The following ZNF532 variants were observed in gnomAD, a reference collection of about 807,000 sequenced individuals.
The protein encoded by ZNF532 is zinc finger protein 532.
ZNF532 carries 22 observed loss-of-function variants against 89.3 expected under a neutral mutation model. That is an observed-to-expected ratio of 0.25 (90% CI 0.18 to 0.35). The LOEUF (loss-of-function observed/expected upper bound fraction) is 0.35, where lower values mean the gene tolerates loss of function less well. Ranked by LOEUF, ZNF532 falls within the 10% of genes least tolerant of loss-of-function variation. ZNF532 has a pLI of 1.00. For synonymous variants in ZNF532, 606 were observed against 649.6 expected (o/e 0.93, Z 1.02); for missense variants, 1,132 against 1,643.4 (o/e 0.69, Z 5.38).
chr18:58,924,901 G>C (rs1277237746), intron 3 of ZNF532, among the ~76,000 whole-genome samples: 1 of 152,074 alleles, frequency 6.6e-6, no homozygotes, highest in African/African-American at 2.4e-5. Flanking sequence ...CTTAGGATTG[G>C]CTTTTTTTCA....
In ZNF532 at chr18:58,984,522, T is replaced by C; in HGVS notation, c.*56T>C. The C allele has an allele frequency of 6.4e-7, 1 of 1,553,346 alleles. No homozygotes were observed. The highest frequency in any genetic ancestry group is 1.3e-5 in the South Asian group (1 of 79,224). On this transcript the variant is annotated 3_prime_UTR_variant, in exon 10 of 10. Coordinates refer to ENST00000591808, the MANE Select transcript of ZNF532 (RefSeq NM_001375912.1). ...CCACATTGGAATAAAAAAGACATTT[T>C]TGTTACAAAGTTTGCAGTATAATAG...
intron 2 of ZNF532, among the ~76,000 whole-genome samples, chr18:58,893,432 T>C (rs1381917084): frequency 6.6e-6 from 1 of 152,058 alleles, no homozygotes; most frequent in East Asian, 1.9e-4. Flanking sequence ...TTTGGGAGGC[T>C]GAGATGGGTG....
chr18:58,900,674 G>A (rs937815), intron 2 of ZNF532, among the ~76,000 whole-genome samples: 2 of 152,158 alleles, frequency 1.3e-5, no homozygotes, highest in East Asian at 1.9e-4. Context: ...CCTCACCTTG[G>A]CTTTGACTCC....
In ZNF532 at chr18:58,876,787, A is replaced by G. The variant is rs1039900001; in HGVS notation, c.-18+11208A>G. On this transcript the variant is annotated intron_variant, in intron 2 of 9. Coordinates refer to ENST00000591808, the MANE Select transcript of ZNF532 (RefSeq NM_001375912.1). Reference sequence around the variant, plus strand: ...GACAAGTGACTTTGGGCCTAGTGCAATGGCTCACGCCTGTAATCCCAGCAC... The same window carrying G: ...GACAAGTGACTTTGGGCCTAGTGCAGTGGCTCACGCCTGTAATCCCAGCAC... Among the ~76,000 whole-genome samples the G allele has an allele frequency of 5.3e-5, 8 of 152,278 alleles. No individual in the cohort carries two copies. In the East Asian group the frequency reaches 5.8e-4, roughly 11 times the overall value.
chr18:58,945,279 TG>T (rs1370815896), intron 5 of ZNF532, among the ~76,000 whole-genome samples: 1 of 152,222 alleles, frequency 6.6e-6, no homozygotes, highest in East Asian at 1.9e-4. Context: ...CATGTGCTCT[TG>T]GTGGCAATGC....
intron 4 of ZNF532, 51 bp from the exon 5 acceptor site, chr18:58,939,394 C>A: frequency 1.3e-6 from 2 of 1,507,558 alleles, no homozygotes; most frequent in South Asian, 1.4e-5. Context: ...TTTGCAGTTA[C>A]ACGTGTGTTA....
chr18:58,939,246 CAAAAAAAAAAAA>C (rs71336307), intron 4 of ZNF532, among the ~76,000 whole-genome samples, 187 bp from the exon 5 acceptor site: 108 of 34,506 alleles, frequency 3.1e-3, no homozygotes, highest in African/African-American at 6.5e-3. Flanking sequence ...GACGTTGTCT[CAAAAAAAAAAAA>C]AAAAAAAAAA....
At chr18:58,899,583 C>G (rs1418884414) in intron 2 of ZNF532, among the ~76,000 whole-genome samples, 2 of 152,182 alleles carry the variant, frequency 1.3e-5, no homozygotes, top group Non-Finnish European at 2.9e-5. Flanking sequence ...ATTCTCCTGC[C>G]TCAGCCTCCT....
chr18:58,909,443 G>GAA (rs2060147084), intron 2 of ZNF532, among the ~76,000 whole-genome samples: 1 of 152,136 alleles, frequency 6.6e-6, no homozygotes, highest in South Asian at 2.1e-4. Context: ...ACTAAAGATA[G>GAA]AAACCCGTTT....
chr18:58,953,992 C>T, intron 7 of ZNF532, 193 bp downstream of exon 7: 1 of 985,378 alleles, frequency 1.0e-6, no homozygotes, highest in South Asian at 4.7e-5. Context: ...CTTCAGTTTT[C>T]CTGGTCATTG....
chr18:58,940,799 C>T (rs1047485554), intron 5 of ZNF532, among the ~76,000 whole-genome samples: 5 of 152,046 alleles, frequency 3.3e-5, no homozygotes, highest in African/African-American at 4.8e-5. Context: ...GATTAGTTAT[C>T]GCAACATAGA....
At chr18:58,930,800 A>G (rs1165172755) in intron 3 of ZNF532, among the ~76,000 whole-genome samples, 2 of 152,112 alleles carry the variant, frequency 1.3e-5, no homozygotes, top group East Asian at 1.9e-4. Flanking sequence ...AATCATCTCA[A>G]GATTACTTAT....
At chr18:58,951,533 G>C (rs2064154543) in intron 6 of ZNF532, among the ~76,000 whole-genome samples, 1 of 151,978 alleles carries the variant, frequency 6.6e-6, no homozygotes. Context: ...TCTGCCCTGA[G>C]TGGTGGGCAT....
chr18:58,911,049 T>G (rs2060252872), intron 2 of ZNF532, among the ~76,000 whole-genome samples: 1 of 152,132 alleles, frequency 6.6e-6, no homozygotes, highest in Admixed American at 6.5e-5. Flanking sequence ...CAGCCCTGCC[T>G]GGATTTCAAT....
chr18:58,950,844 A>G (rs2064088048), intron 6 of ZNF532, among the ~76,000 whole-genome samples: 1 of 152,210 alleles, frequency 6.6e-6, no homozygotes, highest in Non-Finnish European at 1.5e-5. Flanking sequence ...ATGTCTTGCC[A>G]TGTTGCCCAG....
chr18:58,963,603 A>ATGTG (rs60644289), intron 7 of ZNF532, among the ~76,000 whole-genome samples: 3,668 of 143,812 alleles, frequency 0.026, 72 homozygotes, highest in African/African-American at 0.051. Flanking sequence ...AAAGAAAAAA[A>ATGTG]TGTGTGTGTG....
At chr18:58,891,289 G>A (rs912654078) in intron 2 of ZNF532, among the ~76,000 whole-genome samples, 4 of 152,146 alleles carry the variant, frequency 2.6e-5, no homozygotes, top group African/African-American at 7.2e-5. Flanking sequence ...CAGCACTTTC[G>A]GAGGCTGAGG....
chr18:58,980,306 G>A (rs2067597203), intron 8 of ZNF532: 3 of 152,222 alleles, frequency 2.0e-5, no homozygotes, highest in Admixed American at 2.0e-4. Flanking sequence ...AAGACGATGG[G>A]AGATCTGGCC....
Position 58,895,157 on chromosome 18 carries a change from A to G in ZNF532, c.-17-23114A>G, listed in dbSNP as rs188356808. Among the ~76,000 whole-genome samples, 13 of 152,208 alleles carry G rather than the reference A, an allele frequency of 8.5e-5. No homozygotes were observed. In the East Asian group the frequency reaches 1.9e-3, roughly 23 times the overall value. On this transcript the variant is annotated intron_variant, in intron 2 of 9. Coordinates refer to ENST00000591808, the MANE Select transcript of ZNF532 (RefSeq NM_001375912.1). ...ACCTAAATCGGCTTGCCCAACTTCA[A>G]TTTTCTGCCAGGGTGCCAGTCACAG...
Sources: gnomAD v4.1 joint callset for allele counts (sites outside exome capture counted in the v4.1 genomes callset) on GRCh38, gnomAD v4.1.1 for gene constraint, MANE v1.5 for transcripts, NCBI Gene and HGNC (gene_info 2026-07-23, HGNC 2026-07-21) for gene names.